Variants in WWOX observed in about 807,000 individuals in gnomAD.
WWOX encodes WW domain containing oxidoreductase, also known as WW domain-containing oxidoreductase.
Under a neutral mutation model 46.2 loss-of-function variants are expected in WWOX, and 69 were observed. The observed-to-expected ratio is 1.49, with a 90% CI of 1.23 to 1.82. The LOEUF (loss-of-function observed/expected upper bound fraction) is 1.82, where lower values mean the gene tolerates loss of function less well. Ranked by LOEUF, WWOX falls within the 40% of genes most tolerant of loss-of-function variation. The probability of loss-of-function intolerance (pLI) is 0.00; values close to 1 mark genes in which losing one functional copy is unlikely to be tolerated. For synonymous variants in WWOX, 359 were observed against 202.6 expected (o/e 1.77, Z -6.56); for missense variants, 919 against 542.6 (o/e 1.69, Z -6.89).
In WWOX at chr16:79,190,542, G is replaced by A. The variant is rs1328814096; in HGVS notation, c.1057-21066G>A. Among the ~76,000 whole-genome samples, 10 of 152,136 alleles carry A rather than the reference G, an allele frequency of 6.6e-5. 1 individual carries two copies. The highest frequency in any genetic ancestry group is 9.7e-5 in the African/African-American group (4 of 41,420). ...CTGGCTCCACTGAAATTCACTTCAC[G>A]TTTCCAACTTGGATTAAACTGGCAC... On this transcript the variant is annotated intron_variant, in intron 8 of 8. Coordinates refer to ENST00000566780, the MANE Select transcript of WWOX (RefSeq NM_016373.4).
At chr16:78,121,483 A>G (rs567445720) in intron 4 of WWOX, among the ~76,000 whole-genome samples, 2 of 152,326 alleles carry the variant, frequency 1.3e-5, no homozygotes, top group East Asian at 3.9e-4. Context: ...CACGTGATCA[A>G]AGTATTTGAG....
intron 8 of WWOX, among the ~76,000 whole-genome samples, chr16:78,488,257 C>G (rs2084688793): frequency 6.6e-6 from 1 of 152,082 alleles, no homozygotes; most frequent in Non-Finnish European, 1.5e-5. Flanking sequence ...AGCAGTTAGT[C>G]CAGATGTGAA....
chr16:78,907,360 T>C lies in WWOX; in HGVS notation c.1057-304248T>C, dbSNP rs552494464. ...AAAGTGATGTTATCTGCAGGAATAA[T>C]TGGGGAAATTGCAAATCTTGTAACC... On this transcript the variant is annotated intron_variant, in intron 8 of 8. Coordinates refer to ENST00000566780, the MANE Select transcript of WWOX (RefSeq NM_016373.4). 9.9e-5 allele frequency among the ~76,000 whole-genome samples: 15 copies of C among 152,268 alleles called. No homozygotes were observed. The South Asian group carries it at 3.1e-3, about 32-fold the overall frequency.
At position 78,469,649 on chromosome 16, in the gene WWOX, C is replaced by T. The variant is rs571618943; in HGVS notation, c.1056+36897C>T. Among the ~76,000 whole-genome samples the T allele has an allele frequency of 8.5e-5, 13 of 152,274 alleles. No homozygotes were observed. The South Asian group carries it at 1.5e-3, about 17-fold the overall frequency. On this transcript the variant is annotated intron_variant, in intron 8 of 8. Transcript: ENST00000566780. ...AGGCTGCCAGGACATGTCTGAGTAC[C>T]GCGCAGATAGTGGGGAATAGTCTAT...
At chr16:78,614,627 G>A (rs1474570662) in intron 8 of WWOX, among the ~76,000 whole-genome samples, 1 of 152,184 alleles carries the variant, frequency 6.6e-6, no homozygotes, top group Non-Finnish European at 1.5e-5. Flanking sequence ...TAGGTGTATG[G>A]CAGATGAGGG....
At chr16:78,629,192 A>AT in intron 8 of WWOX, among the ~76,000 whole-genome samples, 1 of 151,710 alleles carries the variant, frequency 6.6e-6, no homozygotes, top group Non-Finnish European at 1.5e-5. Flanking sequence ...TTCTTATGCC[A>AT]TTTTAAAGAC....
At chr16:78,894,727 A>G (rs2151232940) in intron 8 of WWOX, among the ~76,000 whole-genome samples, 1 of 152,326 alleles carries the variant, frequency 6.6e-6, no homozygotes, top group Admixed American at 6.5e-5. Context: ...CCACGTTGCA[A>G]TTAAACAAGA....
chr16:78,372,380 A>G (rs752926169), intron 5 of WWOX, among the ~76,000 whole-genome samples: 4 of 152,164 alleles, frequency 2.6e-5, no homozygotes, highest in Admixed American at 6.5e-5. Context: ...GCTGCTCTAT[A>G]TAATAGAAGG....
At chr16:78,295,653 G>C (rs1226463951) in intron 5 of WWOX, among the ~76,000 whole-genome samples, 1 of 152,224 alleles carries the variant, frequency 6.6e-6, no homozygotes, top group African/African-American at 2.4e-5. Context: ...GGTGGTTGCA[G>C]TGAGCCAAGA....
chr16:79,085,618 C>G (rs2150589506), intron 8 of WWOX, among the ~76,000 whole-genome samples: 1 of 152,234 alleles, frequency 6.6e-6, no homozygotes, highest in East Asian at 1.9e-4. Flanking sequence ...CATAGAAAAA[C>G]CTGTTTCTCT....
chr16:79,072,599 A>T (rs2048572025), intron 8 of WWOX, among the ~76,000 whole-genome samples: 1 of 152,224 alleles, frequency 6.6e-6, no homozygotes. Flanking sequence ...GCTTTACAAG[A>T]TATTCAGTAT....
chr16:79,008,401 T>C (rs115205371), intron 8 of WWOX, among the ~76,000 whole-genome samples: 2 of 152,294 alleles, frequency 1.3e-5, no homozygotes, highest in East Asian at 1.9e-4. Flanking sequence ...CAGGCCTCCA[T>C]GACATCTGCG....
chr16:78,571,476 A>C (rs568292440), intron 8 of WWOX, among the ~76,000 whole-genome samples: 1 of 152,212 alleles, frequency 6.6e-6, no homozygotes, highest in African/African-American at 2.4e-5. Context: ...TGTTTTGCCA[A>C]CTTGACATGT....
intron 8 of WWOX, among the ~76,000 whole-genome samples, chr16:78,688,338 C>A (rs954379615): frequency 6.7e-6 from 1 of 149,110 alleles, no homozygotes; most frequent in Non-Finnish European, 1.5e-5. Context: ...TTCACGAGAT[C>A]ATTCATGATG....
intron 5 of WWOX, among the ~76,000 whole-genome samples, chr16:78,185,946 G>T (rs1419530407): frequency 6.6e-6 from 1 of 152,198 alleles, no homozygotes; most frequent in African/African-American, 2.4e-5. Context: ...GATTACAGGT[G>T]TGAGTCAGAG....
At chr16:78,941,220 A>C (rs2045845416) in intron 8 of WWOX, among the ~76,000 whole-genome samples, 1 of 152,158 alleles carries the variant, frequency 6.6e-6, no homozygotes, top group Admixed American at 6.5e-5. Flanking sequence ...TGTAGTGGAG[A>C]GCGTGTTCAG....
intron 8 of WWOX, among the ~76,000 whole-genome samples, chr16:78,680,571 T>C (rs544031273): frequency 1.3e-5 from 2 of 152,286 alleles, no homozygotes; most frequent in South Asian, 2.1e-4. Context: ...GGCTATCCAA[T>C]ACTTGAAGGT....
At chr16:79,129,215 A>C (rs1198763871) in intron 8 of WWOX, among the ~76,000 whole-genome samples, 1 of 151,756 alleles carries the variant, frequency 6.6e-6, no homozygotes, top group African/African-American at 2.4e-5. Context: ...GTGGGGAGAG[A>C]CCATCAGGGC....
chr16:78,204,380 C>T (rs937092501), intron 5 of WWOX, among the ~76,000 whole-genome samples: 1 of 151,954 alleles, frequency 6.6e-6, no homozygotes, highest in Admixed American at 6.6e-5. Flanking sequence ...GGTATCCAAC[C>T]CCTCAAACAT....
Sources: allele counts gnomAD v4.1 joint callset (sites outside exome capture counted in the v4.1 genomes callset), GRCh38; gene constraint gnomAD v4.1.1; transcripts MANE v1.5; gene names NCBI Gene and HGNC (gene_info 2026-07-23, HGNC 2026-07-21).